NUP205: variants seen among roughly 807,000 people sequenced by gnomAD.
NUP205 encodes the protein nucleoporin 205.
NUP205 carries 76 observed loss-of-function variants against 253.8 expected under a neutral mutation model. The observed-to-expected ratio is 0.30, with a 90% CI of 0.25 to 0.36. NUP205 has a LOEUF of 0.36. Among genes scored for constraint, NUP205 ranks in the 10% least tolerant of loss-of-function variants. The pLI is 1.00. For synonymous variants in NUP205, 832 were observed against 850.1 expected (o/e 0.98, Z 0.37); for missense variants, 2,162 against 2,425.5 (o/e 0.89, Z 2.28).
intron 38 of NUP205, among the ~76,000 whole-genome samples, chr7:135,639,427 C>G (rs1013361771): frequency 1.3e-5 from 2 of 152,094 alleles, no homozygotes; most frequent in African/African-American, 4.8e-5. Flanking sequence ...TGGTTGCTTA[C>G]GCCTGTAATC....
chr7:135,609,164 A>G, intron 22 of NUP205, among the ~76,000 whole-genome samples: 1 of 151,738 alleles, frequency 6.6e-6, no homozygotes, highest in Non-Finnish European at 1.5e-5. Context: ...TCTCAATTTA[A>G]GTGTTACCCT....
intron 18 of NUP205, 152 bp downstream of exon 18, chr7:135,603,146 C>T (rs1387692578): frequency 7.5e-5 from 42 of 560,948 alleles, no homozygotes; most frequent in South Asian, 1.6e-4. Context: ...GATGGAGTCT[C>T]GCTCTGTCGT....
chr7:135,629,475 CT>C (rs1794660467), intron 34 of NUP205, among the ~76,000 whole-genome samples: 52 of 27,864 alleles, frequency 1.9e-3, no homozygotes, highest in Admixed American at 0.01. Flanking sequence ...CCCTATCTCT[CT>C]CTCTCTCTCT....
chr7:135,617,746 C>T, intron 27 of NUP205, 64 bp downstream of exon 27: 1 of 1,004,254 alleles, frequency 1.0e-6, no homozygotes, highest in South Asian at 1.4e-5. Context: ...GGTGAAAAGA[C>T]TAAAATAGTA....
At chr7:135,605,865 T>G (rs1177829100) in intron 19 of NUP205, among the ~76,000 whole-genome samples, 1 of 151,992 alleles carries the variant, frequency 6.6e-6, no homozygotes, top group African/African-American at 2.4e-5. Context: ...TTTTTTTTTT[T>G]TTTTAACTAG....
chr7:135,574,314 A>G (rs1806088744), intron 3 of NUP205, among the ~76,000 whole-genome samples: 5 of 152,162 alleles, frequency 3.3e-5, no homozygotes, highest in Admixed American at 1.3e-4. Flanking sequence ...TGAGTAGGTA[A>G]AAAATAAGAT....
intron 42 of NUP205, 61 bp from the exon 43 acceptor site, chr7:135,648,341 CTT>C (rs1795052366): frequency 7.2e-7 from 1 of 1,386,990 alleles, no homozygotes; most frequent in South Asian, 1.7e-5. Flanking sequence ...AATTGGAAGA[CTT>C]AGAATAAAAG....
At chr7:135,637,700 T>C (rs1456874735) in intron 36 of NUP205, among the ~76,000 whole-genome samples, 2 of 152,200 alleles carry the variant, frequency 1.3e-5, no homozygotes, top group Non-Finnish European at 2.9e-5. Flanking sequence ...TACTGGGATT[T>C]ATTGCTTTAA....
intron 1 of NUP205, among the ~76,000 whole-genome samples, chr7:135,570,056 G>C (rs796845728): frequency 1.2e-5 from 1 of 81,744 alleles, no homozygotes; most frequent in Non-Finnish European, 2.8e-5. Flanking sequence ...TATATATAGA[G>C]AGAGAGAGAG....
chr7:135,608,313 C>T (rs76576677), intron 22 of NUP205, among the ~76,000 whole-genome samples: 6,373 of 152,144 alleles, frequency 0.042, 271 homozygotes, highest in African/African-American at 0.11. Flanking sequence ...CATGAGCCAC[C>T]GCGCCTGGCC....
At chr7:135,567,120 CTATGTGTGTATATATATATA>C (rs11272782) in intron 1 of NUP205, among the ~76,000 whole-genome samples, 3,856 of 53,700 alleles carry the variant, frequency 0.072, 424 homozygotes, top group East Asian at 0.15. Flanking sequence ...CTTGCTCAGT[CTATGTGTGTATATATATATA>C]TATATATATA....
chr7:135,580,154 C>G (rs6467599), intron 7 of NUP205, among the ~76,000 whole-genome samples: 8 of 152,008 alleles, frequency 5.3e-5, no homozygotes, highest in African/African-American at 1.9e-4. Context: ...TTTTCTAATC[C>G]TAAAGTATCA....
intron 2 of NUP205, among the ~76,000 whole-genome samples, chr7:135,572,359 G>A (rs895901173): frequency 6.6e-6 from 1 of 151,826 alleles, no homozygotes; most frequent in Non-Finnish European, 1.5e-5. Context: ...TGATTATTTT[G>A]TTTATTTCCA....
chr7:135,603,724 G>A (rs1267669321), intron 18 of NUP205, among the ~76,000 whole-genome samples: 1 of 151,440 alleles, frequency 6.6e-6, no homozygotes, highest in African/African-American at 2.4e-5. Context: ...TGGCCAGGCT[G>A]GTCTCAAACT....
chr7:135,597,774 A>T (rs1318613120), intron 14 of NUP205: 1 of 499,972 alleles, frequency 2.0e-6, no homozygotes, highest in Non-Finnish European at 3.5e-6. Context: ...TTTCTGTTTT[A>T]AATTCAAGTT....
At position 135,570,809 on chromosome 7, in the gene NUP205, ATT is replaced by A. The variant is rs1290914564; in HGVS notation, c.29-295_29-294del. On this transcript the variant is annotated intron_variant, in intron 1 of 42. Transcript: ENST00000285968. ...ATATTTATATATTATATTAATATAT[ATT>A]AATTATATTAATATATAAATTATAT... 1.9e-5 allele frequency among the ~76,000 whole-genome samples: 2 copies of A among 103,342 alleles called. 1 individual carries two copies. The highest frequency in any genetic ancestry group is 3.6e-5 in the Non-Finnish European group (2 of 55,074). The allele number at this position is 103,342 out of a possible 152,430, so 67.8% of individuals were successfully genotyped here. A position where few individuals can be genotyped will look rare whatever the true frequency, so the allele number is the denominator to read the frequency against.
At chr7:135,622,671 GT>G (rs35793029) in intron 30 of NUP205, 105 bp from the exon 31 acceptor site, 14,803 of 827,614 alleles carry the variant, frequency 0.018, no homozygotes, top group South Asian at 0.021. Flanking sequence ...TTTTTGTTGC[GT>G]TTTTTTTTTT....
intron 8 of NUP205, 115 bp downstream of exon 8, chr7:135,585,122 A>G: frequency 1.3e-6 from 1 of 790,738 alleles, no homozygotes; most frequent in Non-Finnish European, 1.9e-6. Context: ...TACAGACTAA[A>G]ATTTGCCAGT....
At chr7:135,575,003 C>T (rs943285571) in intron 3 of NUP205, among the ~76,000 whole-genome samples, 2 of 152,112 alleles carry the variant, frequency 1.3e-5, no homozygotes, top group Admixed American at 6.5e-5. Context: ...GAGTTTAACT[C>T]GGAACTTTCA....
Sources: allele counts gnomAD v4.1 joint callset (sites outside exome capture counted in the v4.1 genomes callset), GRCh38; gene constraint gnomAD v4.1.1; transcripts MANE v1.5; gene names NCBI Gene and HGNC (gene_info 2026-07-23, HGNC 2026-07-21).